The following ZMAT4 variants were observed in gnomAD, a reference collection of about 807,000 sequenced individuals.
ZMAT4 encodes zinc finger matrin-type protein 4.
ZMAT4 carries 17 observed loss-of-function variants against 28.7 expected under a neutral mutation model. That is an observed-to-expected ratio of 0.59 (90% confidence interval 0.41 to 0.89). ZMAT4 has a LOEUF of 0.89. Among genes scored for constraint, ZMAT4 ranks in the 40% least tolerant of loss-of-function variants. ZMAT4 has a pLI of 0.00. For synonymous variants in ZMAT4, 117 were observed against 109.2 expected (o/e 1.07, Z -0.44); for missense variants, 240 against 283.8 (o/e 0.85, Z 1.11).
intron 5 of ZMAT4, among the ~76,000 whole-genome samples, chr8:40,587,898 A>G (rs1804720148): frequency 6.6e-6 from 1 of 152,068 alleles, no homozygotes; most frequent in African/African-American, 2.4e-5. Context: ...GTTGAAAGTA[A>G]AAGGATAGAA....
At chr8:40,879,904 T>C (rs1000183754) in intron 1 of ZMAT4, among the ~76,000 whole-genome samples, 3 of 151,630 alleles carry the variant, frequency 2.0e-5, no homozygotes, top group Non-Finnish European at 4.4e-5. Context: ...TAATACTCCA[T>C]TGTATGGACG....
chr8:40,672,764 C>T (rs1036451964), intron 5 of ZMAT4, among the ~76,000 whole-genome samples: 2 of 152,314 alleles, frequency 1.3e-5, no homozygotes, highest in South Asian at 2.1e-4. Flanking sequence ...AACTTGTTAT[C>T]TGCCAGTAAC....
At chr8:40,655,036 T>C (rs898256786) in intron 5 of ZMAT4, among the ~76,000 whole-genome samples, 2 of 143,866 alleles carry the variant, frequency 1.4e-5, no homozygotes, top group African/African-American at 2.6e-5. Flanking sequence ...TGATGTTGTA[T>C]TTAGAAAATC....
At chr8:40,722,482 G>A (rs1441826895) in intron 3 of ZMAT4, among the ~76,000 whole-genome samples, 1 of 152,014 alleles carries the variant, frequency 6.6e-6, no homozygotes, top group African/African-American at 2.4e-5. Context: ...CACTTCCCCA[G>A]CTTTATTATG....
In ZMAT4 at chr8:40,531,657, A is replaced by G. The variant is rs1802697050; in HGVS notation, c.*566T>C. On this transcript the variant is annotated 3_prime_UTR_variant, in exon 7 of 7. Transcript: ENST00000297737. The stretch of plus-strand genomic sequence containing the variant: ...TCCTTTATTTACTCCCTTCGTCTTC[A>G]TTGTTCAGATGGTAAACCTGGCTCC... The G allele has an allele frequency of 6.6e-6, 1 of 152,506 alleles. No homozygotes were observed. Among genetic ancestry groups the G allele is most frequent in the Non-Finnish European group, 1.5e-5 (1 of 68,016 alleles). The allele number at this position is 152,506 out of a possible 1,614,324, so 9.4% of individuals were successfully genotyped here. A position where few individuals can be genotyped will look rare whatever the true frequency, so the allele number is the denominator to read the frequency against.
At position 40,598,180 on chromosome 8, in the gene ZMAT4, T is replaced by G. The variant is rs187820547; in HGVS notation, c.578-16919A>C. On this transcript the variant is annotated intron_variant, in intron 5 of 6. Transcript: ENST00000297737. ...TTGAACATGAAAGTAATGCACAATG[T>G]GTATATATATATTTTGTTTGTTTGT... 2.8e-3 allele frequency among the ~76,000 whole-genome samples: 432 copies of G among 152,328 alleles called. 2 individuals are homozygous for G. The highest frequency in any genetic ancestry group is 9.8e-3 in the African/African-American group (406 of 41,562).
chr8:40,874,773 G>C (rs551658169), intron 1 of ZMAT4, among the ~76,000 whole-genome samples: 3 of 152,322 alleles, frequency 2.0e-5, no homozygotes, highest in African/African-American at 7.2e-5. Context: ...AGTGGCCCAA[G>C]CCCTTTCCTA....
At chr8:40,783,022 G>C (rs1813903162) in intron 2 of ZMAT4, among the ~76,000 whole-genome samples, 1 of 152,204 alleles carries the variant, frequency 6.6e-6, no homozygotes, top group Non-Finnish European at 1.5e-5. Context: ...ATGAAGAAGT[G>C]AGAGTTACCA....
intron 2 of ZMAT4, among the ~76,000 whole-genome samples, chr8:40,788,744 T>C (rs1411641721): frequency 6.7e-6 from 1 of 149,886 alleles, no homozygotes; most frequent in African/African-American, 2.5e-5. Context: ...ATTATTCTGA[T>C]ATCAAAAACA....
chr8:40,871,045 G>A (rs1203935382), intron 1 of ZMAT4, among the ~76,000 whole-genome samples: 1 of 152,150 alleles, frequency 6.6e-6, no homozygotes, highest in Non-Finnish European at 1.5e-5. Flanking sequence ...CTTGACGAAT[G>A]AGACCATTCA....
chr8:40,697,386 T>G lies in ZMAT4; in HGVS notation c.208A>C (p.Met70Leu), dbSNP rs1255913961. ...LRSENGSDAD[M>L]VDKNKCCTLC... ...GTGCAGCACTTGTTCTTATCCACCA[T>G]GTCGGCATCACTTCCCTGCGCAGGG... Residue 70 changes from methionine to leucine, a missense_variant, in exon 4 of 7, where the codon ATG becomes CTG. Physicochemically the swap from Met to Leu is conservative, Grantham distance 15 (BLOSUM62 2). Transcript: ENST00000297737. 1 of 1,595,974 alleles carries G rather than the reference T, an allele frequency of 6.3e-7. No individual in the cohort carries two copies.
chr8:40,854,770 G>GGGAAA (rs1817236333), intron 1 of ZMAT4, among the ~76,000 whole-genome samples: 1 of 152,120 alleles, frequency 6.6e-6, no homozygotes, highest in South Asian at 2.1e-4. Flanking sequence ...CAGTACGGAA[G>GGGAAA]GGAAAGGCAA....
At chr8:40,557,529 C>T (rs1273261189) in intron 6 of ZMAT4, among the ~76,000 whole-genome samples, 1 of 152,188 alleles carries the variant, frequency 6.6e-6, no homozygotes, top group African/African-American at 2.4e-5. Context: ...AACCTCTTTA[C>T]TCTTCCTGTA....
chr8:40,688,096 G>C (rs2150485664), intron 4 of ZMAT4, among the ~76,000 whole-genome samples: 1 of 152,236 alleles, frequency 6.6e-6, no homozygotes, highest in African/African-American at 2.4e-5. Context: ...AAAAAGAGTT[G>C]CAAAAACTTC....
At chr8:40,571,695 C>T (rs979507584) in intron 6 of ZMAT4, among the ~76,000 whole-genome samples, 1 of 152,098 alleles carries the variant, frequency 6.6e-6, no homozygotes, top group Non-Finnish European at 1.5e-5. Context: ...ATGGGGCAAG[C>T]AAAGAATTAG....
At chr8:40,864,481 G>A (rs150791836) in intron 1 of ZMAT4, among the ~76,000 whole-genome samples, 297 of 152,296 alleles carry the variant, frequency 2.0e-3, no homozygotes, top group African/African-American at 6.7e-3. Flanking sequence ...CCCTATGTAG[G>A]TGGGAAAAGA....
intron 4 of ZMAT4, among the ~76,000 whole-genome samples, chr8:40,676,338 A>G (rs751308046): frequency 2.6e-5 from 4 of 152,194 alleles, no homozygotes; most frequent in Non-Finnish European, 4.4e-5. Context: ...TTTGGAAAAA[A>G]TATTCCGATC....
intron 3 of ZMAT4, among the ~76,000 whole-genome samples, chr8:40,726,074 G>A (rs1811305504): frequency 6.6e-6 from 1 of 152,140 alleles, no homozygotes; most frequent in South Asian, 2.1e-4. Flanking sequence ...TTTGACAGAG[G>A]TTTATTAGAT....
intron 3 of ZMAT4, among the ~76,000 whole-genome samples, chr8:40,753,673 T>C (rs1260078453): frequency 6.6e-6 from 1 of 152,146 alleles, no homozygotes; most frequent in Admixed American, 6.5e-5. Flanking sequence ...AAAAAATAAA[T>C]GATTGAAGAT....
Sources: gnomAD v4.1 joint callset for allele counts (sites outside exome capture counted in the v4.1 genomes callset) on GRCh38, gnomAD v4.1.1 for gene constraint, MANE v1.5 for transcripts, NCBI Gene and HGNC (gene_info 2026-07-23, HGNC 2026-07-21) for gene names.